The following MCAM variants were observed in gnomAD, a reference collection of about 807,000 sequenced individuals.
The protein encoded by MCAM is melanoma cell adhesion molecule.
A neutral mutation model predicts 79.1 loss-of-function variants in MCAM; 55 were observed. That is an observed-to-expected ratio of 0.70 (90% CI 0.56 to 0.87). The LOEUF (loss-of-function observed/expected upper bound fraction) is 0.87. Ranked by LOEUF, MCAM falls within the 40% of genes least tolerant of loss-of-function variation. MCAM has a pLI of 0.00. For synonymous variants in MCAM, 330 were observed against 339.8 expected (o/e 0.97, Z 0.32); for missense variants, 745 against 839.8 (o/e 0.89, Z 1.40).
In MCAM at chr11:119,311,434, G is replaced by A; in HGVS notation, c.1408-13C>T. The stretch of plus-strand genomic sequence containing the variant: ...CTTGTTCACTTGCCTGCGAGGAAAG[G>A]AAGGAGGCAGCTCAGGGGATGGGGA... On this transcript the variant is annotated splice_polypyrimidine_tract_variant and intron_variant, in intron 11 of 15. Transcript: ENST00000264036. The surrounding 1 kb of genome is among the most constrained non-coding windows in gnomAD (Gnocchi z 4.4). 6.2e-7 allele frequency: 1 copy of A among 1,614,042 alleles called. No individual in the cohort carries two copies. Among genetic ancestry groups the A allele is most frequent in the South Asian group, 1.1e-5 (1 of 91,086 alleles).
In MCAM at chr11:119,311,021, T is replaced by C; in HGVS notation, c.1645+69A>G. 1.9e-6 allele frequency: 3 copies of C among 1,614,086 alleles called. No homozygotes were observed. The highest frequency in any genetic ancestry group is 1.7e-5 in the Admixed American group (1 of 60,020). On this transcript the variant is annotated intron_variant, in intron 13 of 15. Coordinates refer to ENST00000264036, the MANE Select transcript of MCAM (RefSeq NM_006500.3). This position sits in a 1 kb window ranked among gnomAD's most constrained non-coding sequence, Gnocchi z 4.4. The stretch of plus-strand genomic sequence containing the variant: ...TGCTACTCACCTTTCTGGACAGGGC[T>C]CTCTGGGGAGGGACAGGGCAGAAAG...
chr11:119,313,335 T>C (rs1370761749), intron 5 of MCAM: 1 of 1,300,506 alleles, frequency 7.7e-7, no homozygotes, highest in African/African-American at 1.5e-5. Flanking sequence ...ATAAAAGAAA[T>C]TGTCTAACAA....
intron 3 of MCAM, 35 bp downstream of exon 3, chr11:119,314,798 C>A: frequency 1.2e-6 from 2 of 1,613,520 alleles, no homozygotes; most frequent in Non-Finnish European, 1.7e-6. Context: ...TCCCACCACC[C>A]TCACTACCCT....
chr11:119,317,107 C>CT lies in MCAM; in HGVS notation c.-7_-6insA. On this transcript the variant is annotated 5_prime_UTR_variant, in exon 1 of 16. Coordinates refer to ENST00000264036, the MANE Select transcript of MCAM (RefSeq NM_006500.3). The surrounding 1 kb of genome is among the most constrained non-coding windows in gnomAD (Gnocchi z 6.2). ...ACCAGCCTGGGAAGCCCCATGCTTC[C>CT]CGGCCGGAGGGCGAGAGCCAAGTGA... 1 of 1,523,738 alleles carries CT rather than the reference C, an allele frequency of 6.6e-7. No homozygotes were observed. The highest frequency in any genetic ancestry group is 2.6e-5 in the East Asian group (1 of 38,680). 94.4% of individuals were successfully genotyped at this position (1,523,738 alleles called of 1,614,324 possible).
chr11:119,310,028 G>A (rs936300451), intron 15 of MCAM, 113 bp from the exon 16 acceptor site: 36 of 922,730 alleles, frequency 3.9e-5, no homozygotes, highest in Admixed American at 1.3e-4. Flanking sequence ...GGTGGGCAGC[G>A]TTGGGGAGGA....
chr11:119,314,530 A>G lies in MCAM; in HGVS notation c.518T>C (p.Ile173Thr). 1 of 1,613,656 alleles carries G rather than the reference A, an allele frequency of 6.2e-7. No individual in the cohort carries two copies. Among genetic ancestry groups the G allele is most frequent in the Non-Finnish European group, 8.5e-7 (1 of 1,179,924 alleles). The part of the protein sequence containing the change: ...GRNGYPIPQV[I>T]WYKNGRPLKE... ...CAGAGGCCGGCCATTCTTGTACCAG[A>G]TGACTTGAGGAATGGGGTACCCGTT... is the stretch of plus-strand genomic sequence containing the variant. Residue 173 changes from isoleucine to threonine, a missense_variant, in exon 5 of 16, where the codon ATC becomes ACC. By Grantham distance (89) the Ile-to-Thr change is moderately conservative. Transcript: ENST00000264036.
chr11:119,313,322 T>G, intron 5 of MCAM: 1 of 1,310,740 alleles, frequency 7.6e-7, no homozygotes, highest in Non-Finnish European at 1.0e-6. Flanking sequence ...CCAGAAACAT[T>G]GTATAAAAGA....
rs1950199765 is a variant in MCAM, at chr11:119,309,782, G to A, written c.*104C>T. ...GAAAGGGGGTGTGCAGGCGAGGGGAGCAGGAGGCTTCTCTCTAGTCCCTTT... is the reference window on the plus strand; with the variant it reads ...GAAAGGGGGTGTGCAGGCGAGGGGAACAGGAGGCTTCTCTCTAGTCCCTTT... On this transcript the variant is annotated 3_prime_UTR_variant, in exon 16 of 16. Coordinates refer to ENST00000264036, the MANE Select transcript of MCAM (RefSeq NM_006500.3). 5 of 1,210,646 alleles carry A rather than the reference G, an allele frequency of 4.1e-6. No homozygotes were observed. In the African/African-American group the frequency reaches 6.0e-5, roughly 15 times the overall value. The allele number at this position is 1,210,646 out of a possible 1,614,324, so 75.0% of individuals were successfully genotyped here. A position where few individuals can be genotyped will look rare whatever the true frequency, so the allele number is the denominator to read the frequency against.
chr11:119,313,368 AG>A (rs1265027759), intron 5 of MCAM: 2 of 1,244,010 alleles, frequency 1.6e-6, no homozygotes, highest in Admixed American at 2.9e-5. Flanking sequence ...ACCACCACTT[AG>A]ACCAGGGTTT....
Position 119,314,900 on chromosome 11 carries a change from C to T in MCAM, c.333G>A (p.Glu111=), listed in dbSNP as rs1950288295. The T allele has an allele frequency of 6.2e-7, 1 of 1,613,452 alleles. No individual in the cohort carries two copies. The highest frequency in any genetic ancestry group is 8.5e-7 in the Non-Finnish European group (1 of 1,180,032). The change falls in exon 3 of 16, where the codon GAG becomes GAA. Residue 111 remains glutamate, a synonymous_variant. Transcript: ENST00000264036. ...GCTTGCCCTGGCACAAGAAGATGCG[C>T]TCGTCTTGGGGGGTGACTTGAGTCA... ...LALTQVTPQD[E]RIFLCQGKRP...
Position 119,311,420 on chromosome 11 carries a change from G to A in MCAM, c.1409C>T (p.Ala470Val), listed in dbSNP as rs1565279851. Residue 470 changes from alanine (A) to valine (V), a missense_variant and splice_region_variant, in exon 12 of 16, where the codon GCA becomes GTA. By Grantham distance (64) the Ala-to-Val change is moderately conservative. Transcript: ENST00000264036. The surrounding 1 kb of genome is among the most constrained non-coding windows in gnomAD (Gnocchi z 4.4). ...PTISWNVNGTASEQDQDPQRV... is the reference protein window; with the variant it reads ...PTISWNVNGTVSEQDQDPQRV... The stretch of plus-strand genomic sequence containing the variant: ...CTGTGGATCTTGGTCTTGTTCACTT[G>A]CCTGCGAGGAAAGGAAGGAGGCAGC... The A allele has an allele frequency of 3.7e-6, 6 of 1,614,110 alleles. No individual in the cohort carries two copies. In the South Asian group the frequency reaches 6.6e-5, roughly 18 times the overall value.
In MCAM at chr11:119,311,568, G is replaced by C. The variant is rs1054994169; in HGVS notation, c.1369C>G (p.His457Asp). The change falls in exon 11 of 16, where the codon CAC becomes GAC. Residue 457 changes from histidine (H) to aspartate (D), a missense_variant. By Grantham distance (81) the His-to-Asp change is moderately conservative. Coordinates refer to ENST00000264036, the MANE Select transcript of MCAM (RefSeq NM_006500.3). The surrounding 1 kb of genome is among the most constrained non-coding windows in gnomAD (Gnocchi z 4.4). ...VLNLSCEASGHPRPTISWNVN... is the reference protein window; with the variant it reads ...VLNLSCEASGDPRPTISWNVN... ...TTCCAGGAGATGGTGGGCCGGGGGT[G>C]CCCTGACGCTTCACAAGACAGATTC... 1.9e-6 allele frequency: 3 copies of C among 1,614,004 alleles called. No homozygotes were observed. The highest frequency in any genetic ancestry group is 2.7e-5 in the African/African-American group (2 of 74,908).
chr11:119,309,848 A>G lies in MCAM; in HGVS notation c.*38T>C. ...GAGAAGAGTGAGCAGGGAGCTGGGA[A>G]TGGTCCAGGCAGGGAAGGGAGCTGA... On this transcript the variant is annotated 3_prime_UTR_variant, in exon 16 of 16. Transcript: ENST00000264036. 6.3e-7 allele frequency: 1 copy of G among 1,578,402 alleles called. No homozygotes were observed. Among genetic ancestry groups the G allele is most frequent in the Non-Finnish European group, 8.6e-7 (1 of 1,156,912 alleles).
Position 119,311,277 on chromosome 11 carries a change from C to T in MCAM, c.1549+3G>A, listed in dbSNP as rs1416252040. ...CCATCCCCTGCAGGGATGCAGCCCT[C>T]ACCCAGCTCCAGGAAGAGGATGCTG... On this transcript the variant is annotated splice_donor_region_variant and intron_variant, in intron 12 of 15. Coordinates refer to ENST00000264036, the MANE Select transcript of MCAM (RefSeq NM_006500.3). This position sits in a 1 kb window ranked among gnomAD's most constrained non-coding sequence, Gnocchi z 4.4. The T allele has an allele frequency of 1.2e-6, 2 of 1,614,040 alleles. No homozygotes were observed. The highest frequency in any genetic ancestry group is 2.7e-5 in the African/African-American group (2 of 74,942).
In MCAM at chr11:119,308,897, G is replaced by A. The variant is rs778147489; in HGVS notation, c.*989C>T. ...CCATCAAGAGGGCTATGGGAGCCAA[G>A]TGAACACGGGGGATTGAGGCTAATT... On this transcript the variant is annotated 3_prime_UTR_variant, in exon 16 of 16. Coordinates refer to ENST00000264036, the MANE Select transcript of MCAM (RefSeq NM_006500.3). The A allele has an allele frequency of 5.3e-5, 8 of 152,258 alleles. No homozygotes were observed. Among genetic ancestry groups the A allele is most frequent in the Non-Finnish European group, 1.0e-4 (7 of 68,066 alleles). 9.4% of individuals were successfully genotyped at this position (152,258 alleles called of 1,614,324 possible).
intron 14 of MCAM, 62 bp downstream of exon 14, chr11:119,310,694 T>C (rs1451151977): frequency 6.4e-7 from 1 of 1,565,548 alleles, no homozygotes; most frequent in African/African-American, 1.4e-5. Flanking sequence ...AGGCGGGCGC[T>C]GGGCAGGCAG....
Position 119,312,247 on chromosome 11 carries a change from T to G in MCAM, c.1024+19A>C, listed in dbSNP as rs1472512059. 1.2e-6 allele frequency: 2 copies of G among 1,613,638 alleles called. No homozygotes were observed. The highest frequency in any genetic ancestry group is 1.7e-6 in the Non-Finnish European group (2 of 1,179,674). ...TTGCCCCAGCCTGGTCCCCCTGTCC[T>G]GGGTCCCCAGCCCCTCACAGTTCAC... On this transcript the variant is annotated intron_variant, in intron 8 of 15. Transcript: ENST00000264036. This position sits in a 1 kb window ranked among gnomAD's most constrained non-coding sequence, Gnocchi z 4.9.
At position 119,311,645 on chromosome 11, in the gene MCAM, G is replaced by A; in HGVS notation, c.1292C>T (p.Pro431Leu). Residue 431 changes from proline to leucine, a missense_variant, in exon 11 of 16, where the codon CCT (proline) becomes CTT (leucine). Transcript: ENST00000264036. The surrounding 1 kb of genome is among the most constrained non-coding windows in gnomAD (Gnocchi z 4.4). Reference protein sequence around the residue: ...QLVNVAIFGPPWMAFKERKVW... With the variant: ...QLVNVAIFGPLWMAFKERKVW... ...CTTCCTCTCCTTGAATGCCATCCAA[G>A]GGGGGCCTTGGGGAGGTAGGGAGAG... 1.9e-6 allele frequency: 3 copies of A among 1,614,026 alleles called. No homozygotes were observed. The highest frequency in any genetic ancestry group is 2.5e-6 in the Non-Finnish European group (3 of 1,179,970).
chr11:119,315,028 T>G lies in MCAM; in HGVS notation c.205A>C (p.Lys69Gln). The G allele has an allele frequency of 2.5e-6, 4 of 1,608,452 alleles. No homozygotes were observed. Among genetic ancestry groups the G allele is most frequent in the Non-Finnish European group, 3.4e-6 (4 of 1,179,920 alleles). ...CGCACACGGAAGATGAGCGTCCGCT[T>G]CTCCTTGTGGACCTAATGGGAGGAG... ...HVDWFSVHKE[K>Q]RTLIFRVRQG... The change falls in exon 3 of 16, where the codon AAG becomes CAG. Residue 69 changes from lysine to glutamine, a missense_variant. By Grantham distance (53) the Lys-to-Gln change is moderately conservative. Transcript: ENST00000264036. The surrounding 1 kb of genome is among the most constrained non-coding windows in gnomAD (Gnocchi z 4.4).
Sources: allele counts gnomAD v4.1 joint callset, GRCh38; gene constraint gnomAD v4.1.1; non-coding constraint Gnocchi (gnomAD v3.1); transcripts MANE v1.5; gene names NCBI Gene and HGNC (gene_info 2026-07-23, HGNC 2026-07-21).